Variants in COL16A1 observed in about 807,000 individuals in gnomAD.
The protein encoded by COL16A1 is collagen type XVI alpha 1 chain.
COL16A1 carries 189 observed loss-of-function variants against 266.3 expected under a neutral mutation model. The ratio of observed to expected loss-of-function variants is 0.71; its 90% confidence interval spans 0.63 to 0.80. The LOEUF (loss-of-function observed/expected upper bound fraction) is 0.80, where lower values mean the gene tolerates loss of function less well. Ranked by LOEUF, COL16A1 falls within the 30% of genes least tolerant of loss-of-function variation. The pLI, the probability that COL16A1 is intolerant of heterozygous loss-of-function variation, is 0.00. For missense variants in COL16A1, 1,928 were observed against 2,122.4 expected (o/e 0.91, Z 1.80); for synonymous variants, 740 against 782.3 (o/e 0.95, Z 0.90).
In COL16A1 at chr1:31,653,545, A is replaced by G. The variant is rs1640816226; in HGVS notation, c.4612+54T>C. On this transcript the variant is annotated intron_variant, in intron 70 of 70. Coordinates refer to ENST00000373672, the MANE Select transcript of COL16A1 (RefSeq NM_001856.4). Reference sequence around the variant, plus strand: ...GCTGTGTCATAGAAGAAACAGAAAGAAAAGGGGTCTCTGCTGCTCTGGATT... The same window carrying G: ...GCTGTGTCATAGAAGAAACAGAAAGGAAAGGGGTCTCTGCTGCTCTGGATT... 3.2e-6 allele frequency: 5 copies of G among 1,560,370 alleles called. No individual in the cohort carries two copies. The South Asian group carries it at 5.9e-5, about 18-fold the overall frequency.
chr1:31,665,770 T>C (rs1428432146), intron 54 of COL16A1, 112 bp downstream of exon 54: 2 of 1,600,318 alleles, frequency 1.2e-6, no homozygotes, highest in African/African-American at 1.3e-5. Flanking sequence ...GCTCTGGGCA[T>C]GAGGTAGGTC....
chr1:31,661,202 C>A lies in COL16A1; in HGVS notation c.3772-83G>T, dbSNP rs1641630159. On this transcript the variant is annotated intron_variant, in intron 60 of 70. Transcript: ENST00000373672. ...AAGTCAACCTCACATCAGAGGGACC[C>A]TGCCACCTGCCCCAGCTTTGGCCAG... is the stretch of plus-strand genomic sequence containing the variant. 3.3e-6 allele frequency: 5 copies of A among 1,510,348 alleles called. No homozygotes were observed. In the South Asian group the frequency reaches 4.9e-5, roughly 15 times the overall value. 93.6% of individuals were successfully genotyped at this position (1,510,348 alleles called of 1,614,324 possible).
At chr1:31,691,716 C>T in intron 17 of COL16A1, 74 bp from the exon 18 acceptor site, 2 of 1,524,734 alleles carry the variant, frequency 1.3e-6, no homozygotes, top group South Asian at 2.5e-5. Flanking sequence ...GAGGTGAATG[C>T]CCACCTGTCC....
In COL16A1 at chr1:31,656,816, C is replaced by T. The variant is rs529296549; in HGVS notation, c.4056+217G>A. 3 of 572,624 alleles carry T rather than the reference C, an allele frequency of 5.2e-6. No homozygotes were observed. Among genetic ancestry groups the T allele is most frequent in the African/African-American group, 2.1e-5 (1 of 46,586 alleles). 35.5% of individuals were successfully genotyped at this position (572,624 alleles called of 1,614,324 possible). A position where few individuals can be genotyped will look rare whatever the true frequency, so the allele number is the denominator to read the frequency against. ...GTTGTTGTTTCTTTTTGACCAGGTA[C>T]AGGGTTTAAAAAAAAAAAAAAAAAG... is the stretch of plus-strand genomic sequence containing the variant. On this transcript the variant is annotated intron_variant, in intron 65 of 70. Coordinates refer to ENST00000373672, the MANE Select transcript of COL16A1 (RefSeq NM_001856.4). The surrounding 1 kb of genome is among the most constrained non-coding windows in gnomAD (Gnocchi z 4.2).
chr1:31,695,282 C>G, intron 10 of COL16A1, 61 bp from the exon 11 acceptor site: 1 of 1,505,486 alleles, frequency 6.6e-7, no homozygotes, highest in Non-Finnish European at 9.2e-7. Context: ...CCCTCCCCAC[C>G]TCCATCACCA....
chr1:31,674,647 C>T (rs1249181811), intron 44 of COL16A1, among the ~76,000 whole-genome samples: 1 of 152,264 alleles, frequency 6.6e-6, no homozygotes, highest in Non-Finnish European at 1.5e-5. Flanking sequence ...CCCACCACTG[C>T]ACTTTCACCC....
In COL16A1 at chr1:31,695,907, G is replaced by A. The variant is rs190466374; in HGVS notation, c.919-120C>T. The A allele has an allele frequency of 1.6e-3, 1,617 of 1,020,570 alleles. 5 individuals carry two copies. The highest frequency in any genetic ancestry group is 1.4e-3 in the Non-Finnish European group (913 of 660,570). 63.2% of individuals were successfully genotyped at this position (1,020,570 alleles called of 1,614,324 possible). ...CACTCTAGAGAGTGCCAGGCACTGC[G>A]TCTGTCTCACCCCCATCCGTCCTTC... On this transcript the variant is annotated intron_variant, in intron 9 of 70. Coordinates refer to ENST00000373672, the MANE Select transcript of COL16A1 (RefSeq NM_001856.4).
In COL16A1 at chr1:31,688,968, C is replaced by G. The variant is rs747732494; in HGVS notation, c.1660G>C (p.Glu554Gln). The change falls in exon 25 of 71, where the codon GAG (glutamate) becomes CAG (glutamine). Residue 554 changes from glutamate to glutamine, a missense_variant. Glu to Gln is a conservative substitution (Grantham distance 29). Transcript: ENST00000373672. The surrounding 1 kb of genome is among the most constrained non-coding windows in gnomAD (Gnocchi z 4.9). Reference sequence around the variant, plus strand: ...ACCGAGCTGCAGGACAAGCAGGGCTCCCCCTGGGGAAAGAAGAGGAAGGAT... The same window carrying G: ...ACCGAGCTGCAGGACAAGCAGGGCTGCCCCTGGGGAAAGAAGAGGAAGGAT... ...GIQGIKGEKG[E>Q]PCLSCSSVVG... is the part of the protein sequence containing the mutation. 6.2e-7 allele frequency: 1 copy of G among 1,614,086 alleles called. No homozygotes were observed. Among genetic ancestry groups the G allele is most frequent in the South Asian group, 1.1e-5 (1 of 91,084 alleles).
rs759033444 is a variant in COL16A1 at position 31,697,918 on chromosome 1, G to T, written c.645C>A (p.Gly215=). Residue 215 remains glycine (G), a synonymous_variant, in exon 6 of 71, where the codon GGC becomes GGA. Coordinates refer to ENST00000373672, the MANE Select transcript of COL16A1 (RefSeq NM_001856.4). This position sits in a 1 kb window ranked among gnomAD's most constrained non-coding sequence, Gnocchi z 4.2. ...HVFLGLDAEQ[G]KPVSFDLQQV... ...ACCTAGCACTCACCGAGACAGGCTTGCCCTGCTCAGCATCCAAGCCTAGAA... is the reference window on the plus strand; with the variant it reads ...ACCTAGCACTCACCGAGACAGGCTTTCCCTGCTCAGCATCCAAGCCTAGAA... 1 of 1,611,694 alleles carries T rather than the reference G, an allele frequency of 6.2e-7. No homozygotes were observed. The highest frequency in any genetic ancestry group is 8.5e-7 in the Non-Finnish European group (1 of 1,179,428).
At chr1:31,665,849 C>G (rs762070817) in intron 54 of COL16A1, 33 bp downstream of exon 54, 23 of 1,613,898 alleles carry the variant, frequency 1.4e-5, no homozygotes, top group Non-Finnish European at 1.9e-5. Context: ...TCCTTCCCTG[C>G]CTCCCTGCAG....
rs532595968 is a variant in COL16A1 at position 31,684,174 on chromosome 1, G to A, written c.2218C>T (p.Arg740Trp). The A allele has an allele frequency of 4.5e-5, 70 of 1,541,964 alleles. No individual in the cohort carries two copies. Among genetic ancestry groups the A allele is most frequent in the African/African-American group, 2.5e-4 (18 of 73,108 alleles). Residue 740 changes from arginine (R) to tryptophan (W), a missense_variant, in exon 32 of 71, where the codon CGG becomes TGG. Physicochemically the swap from Arg to Trp is moderately radical, Grantham distance 101. Transcript: ENST00000373672. ...CCTTTGGGGCCGGGCTGCCCAGGCC[G>A]TCCTGCCATGTCTGTCACTGTCCCC... ...LQGTVTDMAG[R>W]PGQPGPKGEQ...
intron 55 of COL16A1, 146 bp downstream of exon 55, chr1:31,665,437 G>T: frequency 6.7e-7 from 1 of 1,492,300 alleles, no homozygotes; most frequent in African/African-American, 1.4e-5. Context: ...CTGGTTCCTG[G>T]AATCAGGCCT....
At position 31,685,888 on chromosome 1, in the gene COL16A1, G is replaced by A; in HGVS notation, c.1885-118C>T. 1 of 1,530,698 alleles carries A rather than the reference G, an allele frequency of 6.5e-7. No homozygotes were observed. Among genetic ancestry groups the A allele is most frequent in the Non-Finnish European group, 8.8e-7 (1 of 1,130,222 alleles). The allele number at this position is 1,530,698 out of a possible 1,614,324, so 94.8% of individuals were successfully genotyped here. On this transcript the variant is annotated intron_variant, in intron 28 of 70. Transcript: ENST00000373672. This position sits in a 1 kb window ranked among gnomAD's most constrained non-coding sequence, Gnocchi z 4.0. ...CTGACACTGCACCTCTGCTGGGTGA[G>A]GGGTTATCTTGGGAAAGATGAAGGG...
At chr1:31,676,697 T>A (rs1295887998) in intron 42 of COL16A1, among the ~76,000 whole-genome samples, 1 of 152,230 alleles carries the variant, frequency 6.6e-6, no homozygotes, top group African/African-American at 2.4e-5. Context: ...CCGGACAATG[T>A]TCCCCTTGCA....
Position 31,668,693 on chromosome 1 carries a change from G to T in COL16A1, c.3249+109C>A. 1 of 1,192,260 alleles carries T rather than the reference G, an allele frequency of 8.4e-7. No homozygotes were observed. The highest frequency in any genetic ancestry group is 1.2e-6 in the Non-Finnish European group (1 of 804,016). 73.9% of individuals were successfully genotyped at this position (1,192,260 alleles called of 1,614,324 possible). A position where few individuals can be genotyped will look rare whatever the true frequency, so the allele number is the denominator to read the frequency against. ...GCAGAAGGGCAGAGAGTCTCAAGGA[G>T]TCCACCTCCCAGCTTCCACTCAGCA... On this transcript the variant is annotated intron_variant, in intron 50 of 70. Coordinates refer to ENST00000373672, the MANE Select transcript of COL16A1 (RefSeq NM_001856.4). This position sits in a 1 kb window ranked among gnomAD's most constrained non-coding sequence, Gnocchi z 5.8.
intron 26 of COL16A1, 32 bp from the exon 27 acceptor site, chr1:31,686,311 AG>A: frequency 6.2e-7 from 1 of 1,614,198 alleles, no homozygotes; most frequent in Non-Finnish European, 8.5e-7. Flanking sequence ...ATGATTAAAG[AG>A]GGGATGGAGT....
chr1:31,672,031 G>C (rs1241890285), intron 47 of COL16A1, among the ~76,000 whole-genome samples: 1 of 152,212 alleles, frequency 6.6e-6, no homozygotes, highest in African/African-American at 2.4e-5. Context: ...CCTGAATGAA[G>C]TAAATAGGCA....
Position 31,672,600 on chromosome 1 carries a change from G to C in COL16A1, c.3014C>G (p.Ala1005Gly), listed in dbSNP as rs1369104922. The C allele has an allele frequency of 6.2e-7, 1 of 1,606,624 alleles. No individual in the cohort carries two copies. The highest frequency in any genetic ancestry group is 1.3e-5 in the African/African-American group (1 of 74,768). ...GAGATAAGGCGAGGCACTCACCCGGGCCTCCTCGGCTCTTGGGCGCTCCAG... is the reference window on the plus strand; with the variant it reads ...GAGATAAGGCGAGGCACTCACCCGGCCCTCCTCGGCTCTTGGGCGCTCCAG... ...LSLERPRAEE[A>G]RGDNSEGDPG... is the part of the protein sequence containing the mutation. The change falls in exon 46 of 71, where the codon GCC becomes GGC. Residue 1005 changes from alanine (A) to glycine (G), a missense_variant. Around this residue, in one of 2 missense-constraint regions of COL16A1, gnomAD observed 1,552 missense variants for 1,637.2 expected, o/e 0.95. Coordinates refer to ENST00000373672, the MANE Select transcript of COL16A1 (RefSeq NM_001856.4).
chr1:31,701,638 G>T, intron 2 of COL16A1: 2 of 895,054 alleles, frequency 2.2e-6, no homozygotes, highest in Non-Finnish European at 1.3e-6. Flanking sequence ...GGCCAGCCGT[G>T]GAGGAGGAGA....
Sources: allele counts gnomAD v4.1 joint callset (sites outside exome capture counted in the v4.1 genomes callset), GRCh38; gene constraint gnomAD v4.1.1; regional missense constraint gnomAD v4.1.1; non-coding constraint Gnocchi (gnomAD v3.1); transcripts MANE v1.5; gene names NCBI Gene and HGNC (gene_info 2026-07-23, HGNC 2026-07-21).